Variants in UTP25 observed in about 807,000 individuals in gnomAD.
UTP25 encodes the protein U3 small nucleolar RNA-associated protein 25 homolog.
In UTP25, 50 loss-of-function variants were observed where a neutral mutation model predicts 78.9. That is an observed-to-expected ratio of 0.63 (90% CI 0.50 to 0.80). The LOEUF is 0.80. Among genes scored for constraint, UTP25 ranks in the 30% least tolerant of loss-of-function variants. The pLI, the probability that UTP25 is intolerant of heterozygous loss-of-function variation, is 0.00. For missense variants in UTP25, 846 were observed against 911.3 expected (o/e 0.93, Z 0.92); for synonymous variants, 329 against 336.5 (o/e 0.98, Z 0.24).
chr1:209,836,440 T>G (rs2078133409), intron 5 of UTP25, among the ~76,000 whole-genome samples: 1 of 152,176 alleles, frequency 6.6e-6, no homozygotes, highest in African/African-American at 2.4e-5. Flanking sequence ...TTATCAAGGG[T>G]ATTTGACCAT....
At chr1:209,843,087 C>T (rs1328581083) in intron 10 of UTP25, 1 of 335,754 alleles carries the variant, frequency 3.0e-6, no homozygotes, top group African/African-American at 2.1e-5. Context: ...TAGGGGACCC[C>T]AAAGAAGCTT....
At position 209,836,961 on chromosome 1, in the gene UTP25, C is replaced by T. The variant is rs748717646; in HGVS notation, c.812C>T (p.Ser271Leu). 1 of 1,614,164 alleles carries T rather than the reference C, an allele frequency of 6.2e-7. No homozygotes were observed. The change falls in exon 6 of 12, where the codon TCA becomes TTA. Residue 271 changes from serine (S) to leucine (L), a missense_variant. Coordinates refer to ENST00000491415, the MANE Select transcript of UTP25 (RefSeq NM_014388.7). ...NSQFLSGPQK[S>L]SSPFTPLQKE... is the part of the protein sequence containing the mutation. The stretch of plus-strand genomic sequence containing the variant: ...CAGTTCCTATCTGGTCCCCAAAAAT[C>T]AAGCAGCCCATTCACCCCCCTCCAG...
intron 5 of UTP25, among the ~76,000 whole-genome samples, chr1:209,836,009 C>T (rs1373631767): frequency 6.6e-6 from 1 of 152,160 alleles, no homozygotes; most frequent in East Asian, 1.9e-4. Context: ...TCCTTGTTGC[C>T]CTTTTATAAC....
rs554481775 is a variant in UTP25 at position 209,854,574 on chromosome 1, G to A, written c.*3127G>A. 2.0e-5 allele frequency: 3 copies of A among 152,378 alleles called. No individual in the cohort carries two copies. Among genetic ancestry groups the A allele is most frequent in the South Asian group, 2.1e-4 (1 of 4,830 alleles). The allele number at this position is 152,378 out of a possible 1,614,324, so 9.4% of individuals were successfully genotyped here. A position where few individuals can be genotyped will look rare whatever the true frequency, so the allele number is the denominator to read the frequency against. ...GGCTCTCAGCCCTGATTGTGCCCTC[G>A]TGAGGGCAAGGAGCTATGCTGCTGA... On this transcript the variant is annotated 3_prime_UTR_variant, in exon 12 of 12. Coordinates refer to ENST00000491415, the MANE Select transcript of UTP25 (RefSeq NM_014388.7).
chr1:209,843,804 A>G (rs1206248847), intron 11 of UTP25, 108 bp downstream of exon 11: 1 of 1,389,786 alleles, frequency 7.2e-7, no homozygotes. Context: ...ATCATCCCTC[A>G]CTCTCGCACT....
intron 7 of UTP25, among the ~76,000 whole-genome samples, chr1:209,840,286 G>T (rs1183325410): frequency 6.6e-6 from 1 of 152,232 alleles, no homozygotes; most frequent in African/African-American, 2.4e-5. Context: ...CACGAGAGCA[G>T]AGCTGACAAG....
chr1:209,851,346 T>C lies in UTP25; in HGVS notation c.2170T>C (p.Tyr724His). 6.2e-7 allele frequency: 1 copy of C among 1,614,202 alleles called. No homozygotes were observed. The highest frequency in any genetic ancestry group is 8.5e-7 in the Non-Finnish European group (1 of 1,180,028). ...TWTCTVLYSK[Y>H]DAQRLAAVVG... is the part of the protein sequence containing the mutation. Reference sequence around the variant, plus strand: ...GACCTGCACTGTTCTCTACTCCAAATATGATGCCCAGAGGTTAGCTGCCGT... The same window carrying C: ...GACCTGCACTGTTCTCTACTCCAAACATGATGCCCAGAGGTTAGCTGCCGT... The change falls in exon 12 of 12, where the codon TAT (tyrosine) becomes CAT (histidine). Residue 724 changes from tyrosine (Y) to histidine (H), a missense_variant. Coordinates refer to ENST00000491415, the MANE Select transcript of UTP25 (RefSeq NM_014388.7).
rs765094699 is a variant in UTP25, at chr1:209,851,419, T to A, written c.2243T>A (p.Val748Asp). Reference sequence around the variant, plus strand: ...CAGATGCTACAGTCCAACAAGAATGTCCACCTCTTCATTACTGGAGAAAAA... The same window carrying A: ...CAGATGCTACAGTCCAACAAGAATGACCACCTCTTCATTACTGGAGAAAAA... ...AAQMLQSNKN[V>D]HLFITGEK is the part of the protein sequence containing the mutation. Residue 748 changes from valine to aspartate, a missense_variant, in exon 12 of 12, where the codon GTC (valine) becomes GAC (aspartate). Physicochemically the swap from Val to Asp is radical, Grantham distance 152. Transcript: ENST00000491415. 6.2e-7 allele frequency: 1 copy of A among 1,611,194 alleles called. No homozygotes were observed. The highest frequency in any genetic ancestry group is 1.7e-5 in the Admixed American group (1 of 59,246).
intron 11 of UTP25, among the ~76,000 whole-genome samples, chr1:209,845,133 C>T (rs1405408779): frequency 2.0e-5 from 3 of 152,214 alleles, no homozygotes; most frequent in Non-Finnish European, 4.4e-5. Context: ...GGAGGCGTCC[C>T]AGCAGCTTGC....
rs1039982760 is a variant in UTP25, at chr1:209,836,977, C to T, written c.828C>T (p.Thr276=). Residue 276 remains threonine, a synonymous_variant, in exon 6 of 12, where the codon ACC becomes ACT. Coordinates refer to ENST00000491415, the MANE Select transcript of UTP25 (RefSeq NM_014388.7). ...SGPQKSSSPF[T]PLQKELFLIM... ...CCCAAAAATCAAGCAGCCCATTCAC[C>T]CCCCTCCAGAAAGAACTCTTCTTAA... 2.5e-6 allele frequency: 4 copies of T among 1,613,974 alleles called. No homozygotes were observed. The highest frequency in any genetic ancestry group is 2.7e-5 in the African/African-American group (2 of 74,886).
At chr1:209,828,209 A>T (rs1558050239) in intron 1 of UTP25, 39 bp downstream of exon 1, 4 of 1,516,782 alleles carry the variant, frequency 2.6e-6, no homozygotes, top group Non-Finnish European at 1.8e-6. Flanking sequence ...GTCGCCAGAG[A>T]TGTATCCTCG....
rs1338494366 is a variant in UTP25, at chr1:209,856,124, T to A, written c.*4677T>A. ...CTGACATTCTGTGGCTCTAAACAAG[T>A]CCTCACGACCACTTCTCAGTTTTCT... On this transcript the variant is annotated 3_prime_UTR_variant, in exon 12 of 12. Coordinates refer to ENST00000491415, the MANE Select transcript of UTP25 (RefSeq NM_014388.7). The A allele has an allele frequency of 6.6e-6, 1 of 152,216 alleles. No individual in the cohort carries two copies. The highest frequency in any genetic ancestry group is 1.5e-5 in the Non-Finnish European group (1 of 68,048). 9.4% of individuals were successfully genotyped at this position (152,216 alleles called of 1,614,324 possible). A position where few individuals can be genotyped will look rare whatever the true frequency, so the allele number is the denominator to read the frequency against.
chr1:209,834,586 A>G (rs1445630734), intron 4 of UTP25, among the ~76,000 whole-genome samples: 2 of 78,604 alleles, frequency 2.5e-5, no homozygotes, highest in Non-Finnish European at 6.9e-5. Context: ...GACTTGAGAA[A>G]GTGATGACTC....
intron 11 of UTP25, among the ~76,000 whole-genome samples, chr1:209,850,883 T>C (rs764790355): frequency 3.9e-5 from 6 of 152,240 alleles, no homozygotes; most frequent in Non-Finnish European, 8.8e-5. Context: ...CTTTTTAAGT[T>C]TTCTGTGACA....
Position 209,830,500 on chromosome 1 carries a change from T to TAAA in UTP25, c.148-290_148-288dup, listed in dbSNP as rs5780540. Among the ~76,000 whole-genome samples the TAAA allele has an allele frequency of 2.0e-3, 289 of 141,122 alleles. 1 individual carries two copies. Among genetic ancestry groups the TAAA allele is most frequent in the African/African-American group, 7.2e-3 (277 of 38,706 alleles). 92.6% of individuals were successfully genotyped at this position (141,122 alleles called of 152,430 possible). A position where few individuals can be genotyped will look rare whatever the true frequency, so the allele number is the denominator to read the frequency against. ...AAGGGCCTATCATATTACAACAAAC[T>TAAA]AAAAAAAAAAAAAAAGAAACCTGTT... On this transcript the variant is annotated intron_variant, in intron 2 of 11. Transcript: ENST00000491415.
rs1442553689 is a variant in UTP25 at position 209,843,402 on chromosome 1, A to G, written c.1782-49A>G. ...CAGGGTCACACAGTTAAGAGACACC[A>G]TAAGCTTAGCTCTAGACATTAATTT... On this transcript the variant is annotated intron_variant, in intron 10 of 11. Coordinates refer to ENST00000491415, the MANE Select transcript of UTP25 (RefSeq NM_014388.7). The G allele has an allele frequency of 3.1e-6, 5 of 1,601,742 alleles. No homozygotes were observed. In the South Asian group the frequency reaches 3.3e-5, roughly 11 times the overall value.
intron 11 of UTP25, 46 bp downstream of exon 11, chr1:209,843,742 C>G (rs557861733): frequency 6.3e-7 from 1 of 1,587,002 alleles, no homozygotes; most frequent in Non-Finnish European, 8.6e-7. Flanking sequence ...AGGGGAGGTG[C>G]AGGACAAATC....
At chr1:209,832,344 C>T (rs2078107837) in intron 3 of UTP25, among the ~76,000 whole-genome samples, 1 of 152,032 alleles carries the variant, frequency 6.6e-6, no homozygotes, top group South Asian at 2.1e-4. Context: ...TCCGTAACTT[C>T]CTACATCTGT....
intron 6 of UTP25, 70 bp from the exon 7 acceptor site, chr1:209,838,839 T>G: frequency 6.5e-7 from 1 of 1,532,696 alleles, no homozygotes; most frequent in Non-Finnish European, 9.0e-7. Flanking sequence ...CTCCACTTCC[T>G]CAGCAGTTTC....
Sources: gnomAD v4.1 joint callset for allele counts (sites outside exome capture counted in the v4.1 genomes callset) on GRCh38, gnomAD v4.1.1 for gene constraint, MANE v1.5 for transcripts, NCBI Gene and HGNC (gene_info 2026-07-23, HGNC 2026-07-21) for gene names.